TRIM2: variants seen among roughly 807,000 people sequenced by gnomAD.
The protein encoded by TRIM2 is tripartite motif-containing protein 2.
TRIM2 carries 20 observed loss-of-function variants against 75.2 expected under a neutral mutation model. That is an observed-to-expected ratio of 0.27 (90% CI 0.19 to 0.39). The LOEUF is 0.39. TRIM2 is among the 10% of genes least tolerant of loss of function. TRIM2 has a pLI of 1.00. For synonymous variants in TRIM2, 373 were observed against 388.3 expected, an observed-to-expected ratio of 0.96 and a Z score of 0.46; for missense variants, 660 against 990.8, an observed-to-expected ratio of 0.67 and a Z score of 4.48.
At chr4:153,287,441 G>A (rs762976171) in intron 3 of TRIM2, among the ~76,000 whole-genome samples, 1 of 152,102 alleles carries the variant, frequency 6.6e-6, no homozygotes, top group Non-Finnish European at 1.5e-5. Flanking sequence ...TGAAAAGAAA[G>A]GCTTTCTTTC....
At chr4:153,294,820 G>A (rs1036437662) in intron 5 of TRIM2, among the ~76,000 whole-genome samples, 3 of 152,118 alleles carry the variant, frequency 2.0e-5, no homozygotes, top group African/African-American at 4.8e-5. Flanking sequence ...CAACCTGTTA[G>A]TCAGCTTCAA....
At chr4:153,172,819 G>A (rs1731018784) in intron 1 of TRIM2, among the ~76,000 whole-genome samples, 1 of 152,170 alleles carries the variant, frequency 6.6e-6, no homozygotes, top group Admixed American at 6.5e-5. Flanking sequence ...TGAAGATCTG[G>A]AGAGCAGTGT....
intron 10 of TRIM2, 21 bp downstream of exon 10, chr4:153,324,169 G>A (rs776460920): frequency 1.3e-6 from 2 of 1,598,584 alleles, no homozygotes; most frequent in South Asian, 2.3e-5. Context: ...CACATGAGTT[G>A]TTGTTAACTT....
chr4:153,194,835 C>T (rs1285809922), intron 1 of TRIM2, among the ~76,000 whole-genome samples: 6 of 152,162 alleles, frequency 3.9e-5, no homozygotes, highest in Admixed American at 1.3e-4. Flanking sequence ...TGGTTAAAAA[C>T]TCCTGCTTAG....
chr4:153,246,433 A>C (rs1006182977), intron 1 of TRIM2, among the ~76,000 whole-genome samples: 5 of 152,220 alleles, frequency 3.3e-5, no homozygotes, highest in Admixed American at 2.6e-4. Flanking sequence ...GGTGGGTCTG[A>C]AGTAGAGGCC....
At chr4:153,312,241 A>G (rs1258609510) in intron 6 of TRIM2, among the ~76,000 whole-genome samples, 1 of 151,842 alleles carries the variant, frequency 6.6e-6, no homozygotes, top group African/African-American at 2.4e-5. Context: ...AAAGGACATG[A>G]ACTCATCATT....
At chr4:153,200,727 AT>A (rs1560805718), upstream of TRIM2, among the ~76,000 whole-genome samples, 13,104 of 127,978 alleles carry the variant, frequency 0.1, 767 homozygotes, top group African/African-American at 0.19. Flanking sequence ...AAAAAAAAAT[AT>A]ATATATATAT....
At chr4:153,244,326 T>C (rs1335702978) in intron 1 of TRIM2, among the ~76,000 whole-genome samples, 3 of 23,978 alleles carry the variant, frequency 1.3e-4, no homozygotes, top group African/African-American at 9.8e-4. Context: ...CTCCTCTTCT[T>C]CTTCTTCTTC....
chr4:153,250,090 G>A (rs930540591), intron 1 of TRIM2, among the ~76,000 whole-genome samples: 1 of 152,046 alleles, frequency 6.6e-6, no homozygotes, highest in Non-Finnish European at 1.5e-5. Context: ...GCATGGCAGA[G>A]CCTTGTGTTT....
intron 1 of TRIM2, among the ~76,000 whole-genome samples, chr4:153,211,531 A>T: frequency 7.0e-6 from 1 of 141,952 alleles, no homozygotes; most frequent in East Asian, 2.0e-4. Flanking sequence ...ACTGTTGCCC[A>T]GGTTGGAGTG....
rs1172832506 is a variant in TRIM2 at position 153,248,696 on chromosome 4, C to T, written c.31-21639C>T. ...ATCGCAGATGCATTCTGACTTTCAT[C>T]ATAGGATTCTAATCGTGGATGAAAG... is the stretch of plus-strand genomic sequence containing the variant. On this transcript the variant is annotated intron_variant, in intron 1 of 11. Transcript: ENST00000338700. The surrounding 1 kb of genome is among the most constrained non-coding windows in gnomAD (Gnocchi z 4.0). 1.3e-5 allele frequency among the ~76,000 whole-genome samples: 2 copies of T among 152,246 alleles called. No homozygotes were observed. The highest frequency in any genetic ancestry group is 4.8e-5 in the African/African-American group (2 of 41,458).
At chr4:153,313,898 A>C (rs575486979) in intron 6 of TRIM2, among the ~76,000 whole-genome samples, 18 of 152,168 alleles carry the variant, frequency 1.2e-4, no homozygotes, top group African/African-American at 4.3e-4. Context: ...CGGCCTCACA[A>C]AGTGCTGGGA....
chr4:153,249,608 C>T (rs1024712274), intron 1 of TRIM2, among the ~76,000 whole-genome samples: 1 of 152,192 alleles, frequency 6.6e-6, no homozygotes, highest in African/African-American at 2.4e-5. Context: ...GCTCCCGCCT[C>T]GGCCACCTCC....
intron 6 of TRIM2, chr4:153,308,740 A>G (rs532943133): frequency 1.8e-6 from 1 of 542,540 alleles, no homozygotes; most frequent in Non-Finnish European, 3.7e-6. Flanking sequence ...GAGCTTGCAC[A>G]GGATTTCATG....
chr4:153,305,272 C>A (rs1470183127), intron 6 of TRIM2, among the ~76,000 whole-genome samples: 1 of 152,088 alleles, frequency 6.6e-6, no homozygotes, highest in Non-Finnish European at 1.5e-5. Flanking sequence ...TATAAAGTTA[C>A]AAAGTTTCCT....
rs763953023 is a variant in TRIM2 at position 153,336,945 on chromosome 4, G to GA, written c.*1980dup. The stretch of plus-strand genomic sequence containing the variant: ...GAAGACACTGTTTCCTAACATCAGT[G>GA]AGATACATCTTTGAATTTAAACATT... On this transcript the variant is annotated 3_prime_UTR_variant, in exon 12 of 12. Coordinates refer to ENST00000338700, the MANE Select transcript of TRIM2 (RefSeq NM_015271.5). 1.1e-4 allele frequency: 111 copies of GA among 984,230 alleles called. No homozygotes were observed. The highest frequency in any genetic ancestry group is 5.2e-4 in the Middle Eastern group (1 of 1,932). The allele number at this position is 984,230 out of a possible 1,614,324, so 61.0% of individuals were successfully genotyped here.
At chr4:153,227,151 A>C (rs907240749) in intron 1 of TRIM2, among the ~76,000 whole-genome samples, 3 of 152,190 alleles carry the variant, frequency 2.0e-5, no homozygotes, top group Non-Finnish European at 4.4e-5. Context: ...TTTCTGAGAG[A>C]ATCAAGTTGG....
At chr4:153,297,674 C>T (rs1451227949) in intron 6 of TRIM2, among the ~76,000 whole-genome samples, 1 of 152,072 alleles carries the variant, frequency 6.6e-6, no homozygotes, top group East Asian at 1.9e-4. Context: ...ACCAAGTGAC[C>T]CCAGTCTACT....
intron 1 of TRIM2, among the ~76,000 whole-genome samples, chr4:153,243,078 C>A (rs1265496798): frequency 2.6e-5 from 4 of 152,260 alleles, no homozygotes; most frequent in South Asian, 4.1e-4. Flanking sequence ...CAACTTCAAA[C>A]ACACCTCTGA....
Sources: gnomAD v4.1 joint callset for allele counts (sites outside exome capture counted in the v4.1 genomes callset) on GRCh38, gnomAD v4.1.1 for gene constraint, Gnocchi (gnomAD v3.1) non-coding constraint, MANE v1.5 for transcripts, NCBI Gene and HGNC (gene_info 2026-07-23, HGNC 2026-07-21) for gene names.